Variants in IGFBP7 observed in about 807,000 individuals in gnomAD.
IGFBP7 encodes the protein insulin like growth factor binding protein 7.
A neutral mutation model predicts 29.4 loss-of-function variants in IGFBP7; 31 were observed. That is an observed-to-expected ratio of 1.05 (90% confidence interval 0.79 to 1.42). IGFBP7 has a LOEUF of 1.42. Ranked by LOEUF, IGFBP7 falls within the 40% of genes most tolerant of loss-of-function variation. The pLI, the probability that IGFBP7 is intolerant of heterozygous loss-of-function variation, is 0.00. For missense variants in IGFBP7, 393 were observed against 395.5 expected (o/e 0.99, Z 0.05); for synonymous variants, 172 against 174.9 (o/e 0.98, Z 0.13).
At chr4:57,072,133 T>A (rs1205281960) in intron 1 of IGFBP7, among the ~76,000 whole-genome samples, 1 of 152,062 alleles carries the variant, frequency 6.6e-6, no homozygotes, top group African/African-American at 2.4e-5. Context: ...TCTTTCCTGC[T>A]CCTCTCCCTC....
chr4:57,072,930 T>C (rs1725091518), intron 1 of IGFBP7: 1 of 753,870 alleles, frequency 1.3e-6, no homozygotes, highest in Non-Finnish European at 2.4e-6. Flanking sequence ...CAGGGTAATA[T>C]CTGCCTGGAC....
At chr4:57,060,835 C>T (rs1395975626) in intron 1 of IGFBP7, among the ~76,000 whole-genome samples, 3 of 152,120 alleles carry the variant, frequency 2.0e-5, no homozygotes, top group Non-Finnish European at 4.4e-5. Context: ...AGGAGGATTG[C>T]TTGACCCTGG....
intron 1 of IGFBP7, among the ~76,000 whole-genome samples, chr4:57,087,329 T>C (rs1725522029): frequency 6.6e-6 from 1 of 152,236 alleles, no homozygotes; most frequent in South Asian, 2.1e-4. Context: ...CAGGTCAATA[T>C]GCAGCATGAG....
intron 1 of IGFBP7, among the ~76,000 whole-genome samples, chr4:57,096,135 C>T (rs1725758034): frequency 6.6e-6 from 1 of 150,932 alleles, no homozygotes; most frequent in African/African-American, 2.4e-5. Flanking sequence ...TTTAAAATAC[C>T]AACAAAACTG....
intron 4 of IGFBP7, among the ~76,000 whole-genome samples, chr4:57,031,662 G>A (rs1000693368): frequency 6.6e-6 from 1 of 152,234 alleles, no homozygotes; most frequent in Non-Finnish European, 1.5e-5. Flanking sequence ...AAAAGGTAAA[G>A]TGGAGGAATA....
chr4:57,055,913 C>T (rs1011034802), intron 1 of IGFBP7, among the ~76,000 whole-genome samples: 8 of 152,102 alleles, frequency 5.3e-5, no homozygotes, highest in African/African-American at 1.4e-4. Context: ...TCTCTGTGTG[C>T]GAATAGCCCC....
intron 1 of IGFBP7, among the ~76,000 whole-genome samples, chr4:57,060,912 GT>G (rs780617037): frequency 1.6e-4 from 24 of 151,310 alleles, no homozygotes; most frequent in East Asian, 1.2e-3. Flanking sequence ...GGGCAAAAAA[GT>G]TTTTTTTCCT....
chr4:57,101,807 G>A (rs1184402791), intron 1 of IGFBP7, among the ~76,000 whole-genome samples: 1 of 151,702 alleles, frequency 6.6e-6, no homozygotes, highest in Non-Finnish European at 1.5e-5. Flanking sequence ...GCTGGGGGAA[G>A]CTTCCCTTGA....
chr4:57,072,518 G>A (rs942668481), intron 1 of IGFBP7, among the ~76,000 whole-genome samples: 1 of 152,118 alleles, frequency 6.6e-6, no homozygotes, highest in African/African-American at 2.4e-5. Context: ...GGGTTACAGA[G>A]GGAGACCCTG....
chr4:57,062,441 C>T (rs111371775), intron 1 of IGFBP7, among the ~76,000 whole-genome samples: 42 of 152,170 alleles, frequency 2.8e-4, no homozygotes, highest in Admixed American at 6.5e-4. Context: ...TATTTGCACC[C>T]GGTCTGAAAT....
chr4:57,106,376 A>G (rs1161136260), intron 1 of IGFBP7, among the ~76,000 whole-genome samples: 2 of 152,160 alleles, frequency 1.3e-5, no homozygotes, highest in East Asian at 1.9e-4. Flanking sequence ...ATGGAAAGGA[A>G]GTGAAGGAGG....
At chr4:57,097,867 C>A (rs891618987) in intron 1 of IGFBP7, among the ~76,000 whole-genome samples, 1 of 152,074 alleles carries the variant, frequency 6.6e-6, no homozygotes, top group African/African-American at 2.4e-5. Flanking sequence ...CTGGGTGACC[C>A]GGCACTAAGA....
chr4:57,071,782 C>T (rs529025709), intron 1 of IGFBP7, among the ~76,000 whole-genome samples: 4 of 152,238 alleles, frequency 2.6e-5, no homozygotes, highest in African/African-American at 4.8e-5. Flanking sequence ...GAAGGTTTGT[C>T]TTGAACAGCT....
intron 1 of IGFBP7, among the ~76,000 whole-genome samples, chr4:57,104,584 G>T (rs1472698745): frequency 1.3e-5 from 2 of 152,132 alleles, no homozygotes; most frequent in Non-Finnish European, 2.9e-5. Flanking sequence ...TAAAAAATGA[G>T]TCTAATGAAT....
intron 1 of IGFBP7, among the ~76,000 whole-genome samples, chr4:57,050,912 G>A (rs1016805448): frequency 1.3e-5 from 2 of 152,062 alleles, no homozygotes; most frequent in Non-Finnish European, 2.9e-5. Flanking sequence ...GGACTTCTCC[G>A]AGTTATGATA....
At chr4:57,053,445 C>T (rs891088617) in intron 1 of IGFBP7, among the ~76,000 whole-genome samples, 5 of 152,108 alleles carry the variant, frequency 3.3e-5, no homozygotes, top group Admixed American at 1.3e-4. Flanking sequence ...TACATGTGGT[C>T]TGGTGTCATT....
intron 1 of IGFBP7, among the ~76,000 whole-genome samples, chr4:57,061,058 A>G (rs939409652): frequency 4.3e-5 from 5 of 115,216 alleles, no homozygotes; most frequent in Admixed American, 8.1e-5. Context: ...TTCGTCTCTG[A>G]AAAACAAAAA....
chr4:57,093,166 C>G (rs1207644981), intron 1 of IGFBP7, among the ~76,000 whole-genome samples: 1 of 152,138 alleles, frequency 6.6e-6, no homozygotes, highest in African/African-American at 2.4e-5. Context: ...TGAAGCTGCA[C>G]AGCAGCTAAA....
chr4:57,040,122 C>G (rs1290830666), intron 2 of IGFBP7, among the ~76,000 whole-genome samples: 1 of 152,130 alleles, frequency 6.6e-6, no homozygotes, highest in Non-Finnish European at 1.5e-5. Context: ...CTGTCCCTAA[C>G]TTATGGTTCT....
Sources: allele counts gnomAD v4.1 joint callset (sites outside exome capture counted in the v4.1 genomes callset), GRCh38; gene constraint gnomAD v4.1.1; transcripts MANE v1.5; gene names NCBI Gene and HGNC (gene_info 2026-07-23, HGNC 2026-07-21).